Variants in SHROOM4 observed in about 807,000 individuals in gnomAD.
The protein encoded by SHROOM4 is protein Shroom4.
In SHROOM4, 17 loss-of-function variants were observed where a neutral mutation model predicts 80.3. The observed-to-expected ratio is 0.21, with a 90% CI of 0.14 to 0.32. SHROOM4 has a LOEUF of 0.32. Among genes scored for constraint, SHROOM4 ranks in the 10% least tolerant of loss-of-function variants. The pLI, the probability that SHROOM4 is intolerant of heterozygous loss-of-function variation, is 1.00. For missense variants in SHROOM4, 993 were observed against 1,140.3 expected (o/e 0.87, Z 1.86); for synonymous variants, 400 against 437.5 (o/e 0.91, Z 1.07).
chrX:50,783,226 T>C (rs1416157706), intron 1 of SHROOM4, among the ~76,000 whole-genome samples: 2 of 111,818 alleles, frequency 1.8e-5, no homozygotes, highest in African/African-American at 6.5e-5. Flanking sequence ...ATTGGTAAGG[T>C]TGCAGGACAT....
rs938541248 is a variant in SHROOM4, at chrX:50,740,863, C to T, written c.118-44926G>A. 3.3e-4 allele frequency among the ~76,000 whole-genome samples: 37 copies of T among 111,543 alleles called. No homozygotes were observed. The Admixed American group carries it at 3.4e-3, about 10-fold the overall frequency. ...TTGTCTGCTCTTTTGGGGTCATATC[C>T]AAAAAAGTGTTACCCAGACCAGTGT... On this transcript the variant is annotated intron_variant, in intron 1 of 8. Coordinates refer to ENST00000376020, the MANE Select transcript of SHROOM4 (RefSeq NM_020717.5).
rs1569546313 is a variant in SHROOM4 at position 50,596,850 on chromosome X, G to A, written c.4327C>T (p.Leu1443=). 1 of 1,211,153 alleles carries A rather than the reference G, an allele frequency of 8.3e-7. No homozygotes were observed. The highest frequency in any genetic ancestry group is 3.0e-5 in the East Asian group (1 of 33,811). The change falls in exon 9 of 9, where the codon CTG becomes TTG. Residue 1443 remains leucine, a synonymous_variant. Transcript: ENST00000376020. ...TAATCTTGGAGCTGGTCCTGAGGCA[G>A]GTAGCGGGAGACCATGCCAAACACC... ...KLVFGMVSRY[L]PQDQLQDYQH... is the part of the protein sequence containing the mutation.
At chrX:50,615,099 TGTGTGTG>T (rs1259344773) in intron 5 of SHROOM4, among the ~76,000 whole-genome samples, 2 of 3,070 alleles carry the variant, frequency 6.5e-4, no homozygotes, top group Non-Finnish European at 0.024. Flanking sequence ...ATTCTCTTAT[TGTGTGTG>T]TGTGTGTGTG....
At chrX:50,758,856 G>T (rs1935092059) in intron 1 of SHROOM4, among the ~76,000 whole-genome samples, 1 of 111,453 alleles carries the variant, frequency 9.0e-6, no homozygotes, top group South Asian at 3.7e-4. Context: ...GTCTGTTCAG[G>T]TTTTCTATTA....
intron 1 of SHROOM4, among the ~76,000 whole-genome samples, chrX:50,734,482 C>T (rs781995154): frequency 0.1 from 11,038 of 110,607 alleles, 605 homozygotes; most frequent in Non-Finnish European, 0.15. Flanking sequence ...GGTGCAATCT[C>T]GGCTCACTGC....
In SHROOM4 at chrX:50,589,325, C is replaced by T. The variant is rs1928817578; in HGVS notation, c.*7370G>A. Among the ~76,000 whole-genome samples the T allele has an allele frequency of 9.0e-6, 1 of 111,507 alleles. No individual in the cohort carries two copies. The highest frequency in any genetic ancestry group is 3.3e-5 in the African/African-American group (1 of 30,658). Reference sequence around the variant, plus strand: ...AATAATTCATATACCATTTAGCACACCCATTTAAAATGTATACTTCAATGG... The same window carrying T: ...AATAATTCATATACCATTTAGCACATCCATTTAAAATGTATACTTCAATGG... On this transcript the variant is annotated 3_prime_UTR_variant, in exon 9 of 9. Coordinates refer to ENST00000376020, the MANE Select transcript of SHROOM4 (RefSeq NM_020717.5).
chrX:50,766,658 G>C (rs1398436379), intron 1 of SHROOM4, among the ~76,000 whole-genome samples: 1 of 111,591 alleles, frequency 9.0e-6, no homozygotes, highest in Non-Finnish European at 1.9e-5. Context: ...AGCTGTTGAG[G>C]AGTGGTAAAT....
rs189894345 is a variant in SHROOM4, at chrX:50,745,195, C to A, written c.118-49258G>T. Among the ~76,000 whole-genome samples the A allele has an allele frequency of 2.7e-5, 3 of 111,532 alleles. No individual in the cohort carries two copies. The Admixed American group carries it at 2.9e-4, about 11-fold the overall frequency. ...TTCCACAGGTCTCTCTCTGAAATGT[C>A]TGGCTGGTCTTTTTTCTTCTAGCTG... On this transcript the variant is annotated intron_variant, in intron 1 of 8. Coordinates refer to ENST00000376020, the MANE Select transcript of SHROOM4 (RefSeq NM_020717.5).
intron 1 of SHROOM4, among the ~76,000 whole-genome samples, chrX:50,780,923 C>T (rs1196848906): frequency 1.8e-5 from 2 of 111,279 alleles, no homozygotes; most frequent in African/African-American, 6.5e-5. Context: ...CATATGCCCT[C>T]TGTAAGCTGG....
chrX:50,796,404 T>C (rs897976242), intron 1 of SHROOM4, among the ~76,000 whole-genome samples: 6 of 111,391 alleles, frequency 5.4e-5, no homozygotes, highest in Non-Finnish European at 5.7e-5. Flanking sequence ...TAGCAACAAT[T>C]CAAGTGAAAG....
In SHROOM4 at chrX:50,634,092, T is replaced by G; in HGVS notation, c.1981A>C (p.Arg661=). 1 of 1,211,908 alleles carries G rather than the reference T, an allele frequency of 8.3e-7. No homozygotes were observed. Among genetic ancestry groups the G allele is most frequent in the Non-Finnish European group, 1.1e-6 (1 of 895,536 alleles). ...CTGAGGCACTCGGAAGACCTAGCTC[T>G]GAGCATCATGCTTTTGTTGAAGAGC... ...DKLFNKSMML[R]ARSSECLSQA... The change falls in exon 4 of 9, where the codon AGA becomes CGA. Residue 661 remains arginine (R), a synonymous_variant. Transcript: ENST00000376020.
rs1928928708 is a variant in SHROOM4 at position 50,592,627 on chromosome X, T to C, written c.*4068A>G. The C allele has an allele frequency of 8.0e-6, 1 of 124,437 alleles. No homozygotes were observed. The allele number at this position is 124,437 out of a possible 1,213,427, so 10.3% of individuals were successfully genotyped here. A position where few individuals can be genotyped will look rare whatever the true frequency, so the allele number is the denominator to read the frequency against. On this transcript the variant is annotated 3_prime_UTR_variant, in exon 9 of 9. Transcript: ENST00000376020. Reference sequence around the variant, plus strand: ...TCAATGTCAGAGTTGCTTCCTGGAATACATTTGAGTCTAATCTTTGAGGTT... The same window carrying C: ...TCAATGTCAGAGTTGCTTCCTGGAACACATTTGAGTCTAATCTTTGAGGTT...
At chrX:50,743,556 G>A (rs1224975938) in intron 1 of SHROOM4, among the ~76,000 whole-genome samples, 1 of 110,106 alleles carries the variant, frequency 9.1e-6, no homozygotes, top group Admixed American at 9.8e-5. Context: ...GGGCTCAAGC[G>A]ACCCCCACAC....
chrX:50,606,629 A>C (rs893565876), intron 6 of SHROOM4, among the ~76,000 whole-genome samples: 11 of 108,777 alleles, frequency 1.0e-4, no homozygotes, highest in Non-Finnish European at 1.7e-4. Flanking sequence ...GGGCATGCAG[A>C]TGACAACTGG....
At chrX:50,670,305 T>C (rs782013877) in intron 2 of SHROOM4, among the ~76,000 whole-genome samples, 6 of 98,391 alleles carry the variant, frequency 6.1e-5, no homozygotes, top group Admixed American at 2.4e-4. Flanking sequence ...TTCCCCTCCC[T>C]GTGTCCATGT....
At chrX:50,727,811 T>C (rs782626818) in intron 1 of SHROOM4, among the ~76,000 whole-genome samples, 9 of 111,890 alleles carry the variant, frequency 8.0e-5, no homozygotes, top group East Asian at 2.8e-4. Flanking sequence ...GCTCATATAA[T>C]AGGGGTGTCA....
intron 1 of SHROOM4, among the ~76,000 whole-genome samples, chrX:50,703,914 CA>C (rs782314339): frequency 5.4e-5 from 6 of 111,989 alleles, no homozygotes; most frequent in Non-Finnish European, 1.1e-4. Context: ...TTCAGTGATA[CA>C]AATGATCAGA....
intron 1 of SHROOM4, among the ~76,000 whole-genome samples, chrX:50,799,872 G>A (rs1343582049): frequency 2.7e-5 from 3 of 111,790 alleles, no homozygotes; most frequent in African/African-American, 9.8e-5. Flanking sequence ...CAACACCATA[G>A]GAAATGCTGC....
chrX:50,791,057 C>T (rs1385436305), intron 1 of SHROOM4, among the ~76,000 whole-genome samples: 3 of 110,330 alleles, frequency 2.7e-5, no homozygotes, highest in Non-Finnish European at 3.8e-5. Flanking sequence ...TGATCTTATA[C>T]GGAGAAAATC....
Sources: gnomAD v4.1 joint callset for allele counts (sites outside exome capture counted in the v4.1 genomes callset) on GRCh38, gnomAD v4.1.1 for gene constraint, MANE v1.5 for transcripts, NCBI Gene and HGNC (gene_info 2026-07-23, HGNC 2026-07-21) for gene names.